Variants in PI4KA observed in about 807,000 individuals in gnomAD.
The protein encoded by PI4KA is PI4-kinase alpha.
PI4KA carries 122 observed loss-of-function variants against 271.4 expected under a neutral mutation model. The observed-to-expected ratio is 0.45, with a 90% confidence interval of 0.39 to 0.52. The LOEUF is 0.52. PI4KA is among the 20% of genes least tolerant of loss of function. The pLI, the probability that PI4KA is intolerant of heterozygous loss-of-function variation, is 0.00. For synonymous variants in PI4KA, 1,041 were observed against 1,078.8 expected, an observed-to-expected ratio of 0.96 and a Z score of 0.69; for missense variants, 1,969 against 2,769.1, an observed-to-expected ratio of 0.71 and a Z score of 6.48.
At chr22:20,813,585 C>A in intron 7 of PI4KA, 79 bp from the exon 8 acceptor site, 2 of 1,308,626 alleles carry the variant, frequency 1.5e-6, no homozygotes, top group South Asian at 1.3e-5. Context: ...CCCCCAATAA[C>A]CAACAAAGGT....
At chr22:20,806,810 A>C (rs546161651) in intron 10 of PI4KA, among the ~76,000 whole-genome samples, 123 of 151,976 alleles carry the variant, frequency 8.1e-4, no homozygotes, top group African/African-American at 2.7e-3. Flanking sequence ...GGCTCACTGC[A>C]ACCTCCGCCT....
At chr22:20,738,759 A>G (rs926967814) in intron 32 of PI4KA, among the ~76,000 whole-genome samples, 12 of 152,144 alleles carry the variant, frequency 7.9e-5, no homozygotes, top group African/African-American at 2.2e-4. Flanking sequence ...CAAATGAAAC[A>G]GTAATTTGGT....
intron 18 of PI4KA, among the ~76,000 whole-genome samples, chr22:20,794,228 C>T (rs1418561636): frequency 6.6e-6 from 1 of 152,210 alleles, no homozygotes; most frequent in Non-Finnish European, 1.5e-5. Context: ...GAGAACAACC[C>T]ACAGACCTTA....
rs1348054636 is a variant in PI4KA at position 20,749,954 on chromosome 22, A to T, written c.3194T>A (p.Leu1065His). 1 of 1,613,652 alleles carries T rather than the reference A, an allele frequency of 6.2e-7. No homozygotes were observed. Among genetic ancestry groups the T allele is most frequent in the Non-Finnish European group, 8.5e-7 (1 of 1,179,680 alleles). Residue 1065 changes from leucine to histidine, a missense_variant, in exon 28 of 55, where the codon CTC (leucine) becomes CAC (histidine). Physicochemically the swap from Leu to His is moderately conservative, Grantham distance 99. Coordinates refer to ENST00000255882, the MANE Select transcript of PI4KA (RefSeq NM_058004.4). ...KDFAARCGMI[L>H]QEAMKWAPTV... Reference sequence around the variant, plus strand: ...AGGTGCCCACTTCATGGCCTCCTGGAGGATCATCCCACAGCGTGCAGCGAA... The same window carrying T: ...AGGTGCCCACTTCATGGCCTCCTGGTGGATCATCCCACAGCGTGCAGCGAA...
At chr22:20,797,931 C>T (rs547234421) in intron 17 of PI4KA, among the ~76,000 whole-genome samples, 2 of 152,284 alleles carry the variant, frequency 1.3e-5, no homozygotes, top group South Asian at 4.1e-4. Flanking sequence ...TCCCTCTCTT[C>T]CAAACACGGA....
rs1927314739 is a variant in PI4KA at position 20,726,097 on chromosome 22, T to C, written c.4995+391A>G. 2.0e-5 allele frequency among the ~76,000 whole-genome samples: 3 copies of C among 152,218 alleles called. No homozygotes were observed. The South Asian group carries it at 6.2e-4, about 31-fold the overall frequency. On this transcript the variant is annotated intron_variant, in intron 42 of 54. Coordinates refer to ENST00000255882, the MANE Select transcript of PI4KA (RefSeq NM_058004.4). ...GTCGTTTAAGCTGCCCAGTCTGTGG[T>C]GCTTCGCTATGCAGCCCTGGCAGAC...
chr22:20,714,170 T>C (rs1337589146), intron 47 of PI4KA, among the ~76,000 whole-genome samples: 3 of 151,846 alleles, frequency 2.0e-5, no homozygotes, highest in Admixed American at 6.6e-5. Context: ...ACGGTAGCCC[T>C]GGGAAACTAA....
chr22:20,831,448 T>TC (rs902349508), intron 3 of PI4KA, among the ~76,000 whole-genome samples: 4 of 151,922 alleles, frequency 2.6e-5, no homozygotes, highest in African/African-American at 9.7e-5. Flanking sequence ...GTGCCTGTAG[T>TC]CCCCAGTTAC....
At chr22:20,775,743 G>C (rs561757970) in intron 19 of PI4KA, among the ~76,000 whole-genome samples, 1 of 152,068 alleles carries the variant, frequency 6.6e-6, no homozygotes, top group Non-Finnish European at 1.5e-5. Flanking sequence ...TCCTGCCTTG[G>C]CCTCCCAAGA....
At chr22:20,823,224 T>C (rs1013412015) in intron 4 of PI4KA, among the ~76,000 whole-genome samples, 1 of 152,172 alleles carries the variant, frequency 6.6e-6, no homozygotes, top group African/African-American at 2.4e-5. Context: ...ACTTTTTCCA[T>C]TTTATATGTT....
intron 45 of PI4KA, among the ~76,000 whole-genome samples, chr22:20,715,753 C>G (rs1925915459): frequency 6.6e-6 from 1 of 152,112 alleles, no homozygotes; most frequent in South Asian, 2.1e-4. Flanking sequence ...GGGATTAAGG[C>G]ATGAGCCACC....
In PI4KA at chr22:20,763,192, AACCTCC is replaced by A. The variant is rs113501903; in HGVS notation, c.2708+1619_2708+1624del. Reference sequence around the variant, plus strand: ...CAGTGGCACCATCTTGGCTCACTGCAACCTCCACCTCCTGGGTCAAGCAATTCTCCT... The same window carrying A: ...CAGTGGCACCATCTTGGCTCACTGCAACCTCCTGGGTCAAGCAATTCTCCT... On this transcript the variant is annotated intron_variant, in intron 22 of 54. Coordinates refer to ENST00000255882, the MANE Select transcript of PI4KA (RefSeq NM_058004.4). 7.3e-3 allele frequency among the ~76,000 whole-genome samples: 1,107 copies of A among 150,630 alleles called. 12 individuals carry two copies. The highest frequency in any genetic ancestry group is 0.025 in the African/African-American group (1,030 of 40,850).
In PI4KA at chr22:20,714,620, G is replaced by A. The variant is rs368702204; in HGVS notation, c.5390+8C>T. ...GGAAGTGGGGGATGGGTAGGGTGAG[G>A]CGCCCACCTCTGCATCGGGGTCCCA... On this transcript the variant is annotated splice_region_variant and intron_variant, in intron 46 of 54. Coordinates refer to ENST00000255882, the MANE Select transcript of PI4KA (RefSeq NM_058004.4). 3 of 1,613,896 alleles carry A rather than the reference G, an allele frequency of 1.9e-6. No homozygotes were observed. Among genetic ancestry groups the A allele is most frequent in the African/African-American group, 2.7e-5 (2 of 74,926 alleles).
intron 9 of PI4KA, among the ~76,000 whole-genome samples, chr22:20,809,521 T>G (rs559345807): frequency 2.4e-4 from 36 of 152,144 alleles, no homozygotes; most frequent in African/African-American, 8.4e-4. Context: ...GAAACTGCCC[T>G]GGTTCAATGA....
chr22:20,732,834 G>A lies in PI4KA; in HGVS notation c.4288+137C>T, dbSNP rs542334118. On this transcript the variant is annotated intron_variant, in intron 36 of 54. Transcript: ENST00000255882. ...AGGCATGCACCGGCCTCCAATGACC[G>A]TGCAACACAGCCAAGGCCAGGGCTC... The A allele has an allele frequency of 1.0e-4, 91 of 871,864 alleles. No homozygotes were observed. The Middle Eastern group carries it at 2.1e-3, about 20-fold the overall frequency. The allele number at this position is 871,864 out of a possible 1,614,324, so 54.0% of individuals were successfully genotyped here.
At chr22:20,756,326 T>A (rs146098999) in intron 23 of PI4KA, among the ~76,000 whole-genome samples, 2 of 151,256 alleles carry the variant, frequency 1.3e-5, no homozygotes, top group Admixed American at 1.3e-4. Context: ...ATTCAAGCAA[T>A]TCTCCTGTCT....
At chr22:20,795,185 CTTT>C (rs888714711) in intron 18 of PI4KA, among the ~76,000 whole-genome samples, 2 of 151,126 alleles carry the variant, frequency 1.3e-5, no homozygotes, top group Non-Finnish European at 2.9e-5. Flanking sequence ...CCGACTTTTT[CTTT>C]TTTTTCCTTT....
At chr22:20,730,308 C>T (rs374010565) in intron 36 of PI4KA, among the ~76,000 whole-genome samples, 2 of 152,144 alleles carry the variant, frequency 1.3e-5, no homozygotes, top group African/African-American at 4.8e-5. Context: ...GAGTTTCGCT[C>T]CTGTTGCCCA....
At chr22:20,768,090 G>A (rs1270996096) in intron 19 of PI4KA, among the ~76,000 whole-genome samples, 1 of 152,094 alleles carries the variant, frequency 6.6e-6, no homozygotes, top group Admixed American at 6.6e-5. Flanking sequence ...AGGGCTGCAC[G>A]GCAGCTAGGC....
Sources: allele counts gnomAD v4.1 joint callset (sites outside exome capture counted in the v4.1 genomes callset), GRCh38; gene constraint gnomAD v4.1.1; transcripts MANE v1.5; gene names NCBI Gene and HGNC (gene_info 2026-07-23, HGNC 2026-07-21).